C10orf105: variants seen among roughly 807,000 people sequenced by gnomAD.
The protein encoded by C10orf105 is uncharacterized protein C10orf105.
C10orf105 carries 2 observed loss-of-function variants against 0.6 expected under a neutral mutation model. That is an observed-to-expected ratio of 3.18 (90% confidence interval 1.30 to 10.01). The LOEUF (loss-of-function observed/expected upper bound fraction) is 10.01, where lower values mean the gene tolerates loss of function less well. Among genes scored for constraint, C10orf105 ranks in the 30% most tolerant of loss-of-function variants. C10orf105 has a pLI of 0.04. For missense variants in C10orf105, 209 were observed against 191.4 expected (o/e 1.09, Z -0.54); for synonymous variants, 95 against 82.4 (o/e 1.15, Z -0.83).
chr10:71,727,523 G>A (rs1866870944), intron 1 of C10orf105, among the ~76,000 whole-genome samples: 1 of 152,206 alleles, frequency 6.6e-6, no homozygotes, highest in South Asian at 2.1e-4. Context: ...CCAGCAGCAG[G>A]GGAGAGACGG....
upstream of C10orf105, among the ~76,000 whole-genome samples, chr10:71,723,603 T>C (rs1024747648): frequency 1.3e-5 from 2 of 152,092 alleles, no homozygotes; most frequent in African/African-American, 4.8e-5. Context: ...TGGGACCCAG[T>C]GTGGCCAGAA....
At chr10:71,724,206 C>T (rs1866703601), upstream of C10orf105, 6 of 1,284,712 alleles carry the variant, frequency 4.7e-6, no homozygotes, top group Non-Finnish European at 6.6e-6. Flanking sequence ...CCAAGAGAAC[C>T]CCCAGGGCCA....
chr10:71,718,529 A>G (rs925259190), intron 1 of C10orf105, among the ~76,000 whole-genome samples: 1 of 152,228 alleles, frequency 6.6e-6, no homozygotes, highest in Non-Finnish European at 1.5e-5. Context: ...CCTTTCCTTG[A>G]GTCTGAGCAG....
Position 71,737,712 on chromosome 10 carries a change from G to C in C10orf105, c.-6+16C>G, listed in dbSNP as rs146138529. The C allele has an allele frequency of 5.7e-4, 270 of 470,784 alleles. 4 individuals carry two copies. The highest frequency in any genetic ancestry group is 4.7e-3 in the African/African-American group (236 of 50,188). 29.2% of individuals were successfully genotyped at this position (470,784 alleles called of 1,614,324 possible). A position where few individuals can be genotyped will look rare whatever the true frequency, so the allele number is the denominator to read the frequency against. On this transcript the variant is annotated intron_variant, in intron 1 of 1. Coordinates refer to the C10orf105 transcript ENST00000398786. ...TCCAACCCCCCTCACACCCTCATCAGTGAACCCCTGGGTACCTGTGATTCC... is the reference window on the plus strand; with the variant it reads ...TCCAACCCCCCTCACACCCTCATCACTGAACCCCTGGGTACCTGTGATTCC...
chr10:71,731,507 A>C (rs1041218204), intron 1 of C10orf105, among the ~76,000 whole-genome samples: 1 of 152,174 alleles, frequency 6.6e-6, no homozygotes, highest in African/African-American at 2.4e-5. Flanking sequence ...GTTTGTTTCA[A>C]GGCACAGGAA....
At chr10:71,731,525 C>T (rs774489579) in intron 1 of C10orf105, among the ~76,000 whole-genome samples, 24 of 152,012 alleles carry the variant, frequency 1.6e-4, no homozygotes, top group Non-Finnish European at 2.6e-4. Context: ...GAATTTGGGG[C>T]GTAGGGAGTG....
intron 1 of C10orf105, among the ~76,000 whole-genome samples, chr10:71,737,018 A>G (rs1839585462): frequency 6.6e-6 from 1 of 152,188 alleles, no homozygotes; most frequent in African/African-American, 2.4e-5. Flanking sequence ...GTGTGAGGAA[A>G]CACGGTGAGT....
chr10:71,728,276 C>T (rs1866905707), intron 1 of C10orf105, among the ~76,000 whole-genome samples: 1 of 151,240 alleles, frequency 6.6e-6, no homozygotes, highest in Non-Finnish European at 1.5e-5. Flanking sequence ...AACAGCTGTG[C>T]TCTGGAGTGG....
chr10:71,715,839 G>A lies in C10orf105; in HGVS notation c.*97C>T. On this transcript the variant is annotated 3_prime_UTR_variant, in exon 2 of 2. Coordinates refer to ENST00000441508, the MANE Select transcript of C10orf105 (RefSeq NM_001164375.3). ...TGAGTGTGTGTCCCAGACTGCTTGGGCCACTGTCTTCCTGCAGCCTGCAGC... is the reference window on the plus strand; with the variant it reads ...TGAGTGTGTGTCCCAGACTGCTTGGACCACTGTCTTCCTGCAGCCTGCAGC... The A allele has an allele frequency of 8.0e-7, 1 of 1,243,978 alleles. No homozygotes were observed. The highest frequency in any genetic ancestry group is 1.6e-5 in the African/African-American group (1 of 64,040). The allele number at this position is 1,243,978 out of a possible 1,614,324, so 77.1% of individuals were successfully genotyped here.
chr10:71,725,370 A>G lies in C10orf105; in HGVS notation c.-5-9028T>C, dbSNP rs2132804872. On this transcript the variant is annotated intron_variant, in intron 1 of 1. Coordinates refer to the C10orf105 transcript ENST00000398786. ...TTCCAGGGGGTCTGTCCCTCCACACAGGTAACCATGGCAACAACTTCCGGA... is the reference window on the plus strand; with the variant it reads ...TTCCAGGGGGTCTGTCCCTCCACACGGGTAACCATGGCAACAACTTCCGGA... The G allele has an allele frequency of 3.7e-6, 6 of 1,613,972 alleles. No individual in the cohort carries two copies. The highest frequency in any genetic ancestry group is 5.1e-6 in the Non-Finnish European group (6 of 1,179,868).
intron 1 of C10orf105, among the ~76,000 whole-genome samples, chr10:71,726,440 G>A (rs557199681): frequency 6.6e-6 from 1 of 152,222 alleles, no homozygotes; most frequent in African/African-American, 2.4e-5. Context: ...TTGCTCAGGG[G>A]CTGTGCTGGG....
intron 1 of C10orf105, among the ~76,000 whole-genome samples, chr10:71,728,920 T>C (rs1248554776): frequency 3.3e-5 from 5 of 151,996 alleles, no homozygotes; most frequent in Admixed American, 6.6e-5. Flanking sequence ...GGTCTCAAAC[T>C]CCTGGGCTCA....
upstream of C10orf105, among the ~76,000 whole-genome samples, chr10:71,720,853 C>T (rs1589371887): frequency 6.6e-6 from 1 of 152,132 alleles, no homozygotes. Flanking sequence ...CCAGGGGCAC[C>T]CAGCAAGTGA....
chr10:71,728,829 T>A (rs764253789), intron 1 of C10orf105, among the ~76,000 whole-genome samples: 25 of 152,100 alleles, frequency 1.6e-4, no homozygotes, highest in Non-Finnish European at 8.8e-5. Context: ...TCAGCCTCCC[T>A]AGTAGCTGGG....
At chr10:71,732,096 CA>C in intron 1 of C10orf105, 1 of 1,614,008 alleles carries the variant, frequency 6.2e-7, no homozygotes, top group Non-Finnish European at 8.5e-7. Context: ...ACTACGAGAC[CA>C]AGACCAGCTA....
rs186990940 is a variant in C10orf105, at chr10:71,730,596, G to A, written c.-6+7132C>T. 90 of 1,613,832 alleles carry A rather than the reference G, an allele frequency of 5.6e-5. No homozygotes were observed. In the Admixed American group the frequency reaches 1.0e-3, roughly 19 times the overall value. On this transcript the variant is annotated intron_variant, in intron 1 of 1. Transcript: ENST00000398786. ...GTCATCGTGGTCCAAGCCACAGACC[G>A]AGACTCTGGTGAGGCTGGCAGGAGG...
Position 71,730,341 on chromosome 10 carries a change from G to T in C10orf105, c.-6+7387C>A, listed in dbSNP as rs371474816. ...CAGTGACCCACCAGACAGGCCTGGG[G>T]TCCTAGAGGGAGCTCACAGCAGGCC... is the stretch of plus-strand genomic sequence containing the variant. On this transcript the variant is annotated intron_variant, in intron 1 of 1. Transcript: ENST00000398786. 1.6e-5 allele frequency: 20 copies of T among 1,214,440 alleles called. No homozygotes were observed. The African/African-American group carries it at 1.7e-4, about 10-fold the overall frequency. The allele number at this position is 1,214,440 out of a possible 1,614,324, so 75.2% of individuals were successfully genotyped here.
chr10:71,734,270 C>G (rs763502163), intron 1 of C10orf105: 2 of 1,612,012 alleles, frequency 1.2e-6, no homozygotes, highest in Non-Finnish European at 1.7e-6. Context: ...CCTGGTGGAC[C>G]GTGAGAAGGG....
chr10:71,734,605 G>A (rs1303824958), intron 1 of C10orf105: 10 of 1,581,352 alleles, frequency 6.3e-6, no homozygotes, highest in Non-Finnish European at 8.6e-6. Context: ...CTAACCATTT[G>A]CATCTTTGCC....
Sources: allele counts gnomAD v4.1 joint callset (sites outside exome capture counted in the v4.1 genomes callset), GRCh38; gene constraint gnomAD v4.1.1; transcripts MANE v1.5; gene names NCBI Gene and HGNC (gene_info 2026-07-23, HGNC 2026-07-21).